Variants in LBR observed in about 807,000 individuals in gnomAD.
The protein encoded by LBR is delta(14)-sterol reductase LBR.
Under a neutral mutation model 74.3 loss-of-function variants are expected in LBR, and 28 were observed. The observed-to-expected ratio is 0.38, with a 90% confidence interval of 0.28 to 0.52. LBR has a LOEUF of 0.52. Ranked by LOEUF, LBR falls within the 20% of genes least tolerant of loss-of-function variation. The probability of loss-of-function intolerance (pLI) is 0.89; values close to 1 mark genes in which losing one functional copy is unlikely to be tolerated. For synonymous variants in LBR, 228 were observed against 269.3 expected (o/e 0.85, Z 1.50); for missense variants, 717 against 760.3 (o/e 0.94, Z 0.67).
rs1006127401 is a variant in LBR, at chr1:225,411,658, G to A, written c.1085-218C>T. Among the ~76,000 whole-genome samples the A allele has an allele frequency of 2.9e-4, 44 of 152,212 alleles. 1 individual carries two copies. Among genetic ancestry groups the A allele is most frequent in the Non-Finnish European group, 5.4e-4 (37 of 68,036 alleles). ...AGTTGCTCCAGCCTTTGGGGGAGCCGGGGGCCCAGGTTTCTTAAAAAAGTT... is the reference window on the plus strand; with the variant it reads ...AGTTGCTCCAGCCTTTGGGGGAGCCAGGGGCCCAGGTTTCTTAAAAAAGTT... On this transcript the variant is annotated intron_variant, in intron 8 of 13. Transcript: ENST00000272163.
intron 13 of LBR, among the ~76,000 whole-genome samples, chr1:225,403,980 C>A (rs1349853552): frequency 1.3e-5 from 2 of 151,010 alleles, no homozygotes; most frequent in Non-Finnish European, 3.0e-5. Flanking sequence ...TCCCCAAGCA[C>A]CTCCAGCTCC....
At chr1:225,423,268 C>T (rs915550411) in intron 2 of LBR, among the ~76,000 whole-genome samples, 11 of 152,222 alleles carry the variant, frequency 7.2e-5, no homozygotes, top group African/African-American at 2.2e-4. Context: ...TTGTATACTA[C>T]GGATCAGATA....
chr1:225,419,258 C>T lies in LBR; in HGVS notation c.640+5G>A. The T allele has an allele frequency of 6.2e-7, 1 of 1,613,972 alleles. No individual in the cohort carries two copies. The highest frequency in any genetic ancestry group is 8.5e-7 in the Non-Finnish European group (1 of 1,179,826). On this transcript the variant is annotated splice_donor_5th_base_variant and intron_variant, in intron 5 of 13. Coordinates refer to ENST00000272163, the MANE Select transcript of LBR (RefSeq NM_002296.4). ...GCCCTCTCTGGGCCCAGCTCTGAGG[C>T]CTACCAGGTACTCCTCCAAACTCCA...
chr1:225,406,446 T>C, intron 11 of LBR: 1 of 440,944 alleles, frequency 2.3e-6, no homozygotes, highest in South Asian at 5.3e-5. Context: ...AGCAAGATGG[T>C]TTAAAATAAT....
chr1:225,411,482 C>T (rs1056982645), intron 8 of LBR, 42 bp from the exon 9 acceptor site: 1 of 1,451,440 alleles, frequency 6.9e-7, no homozygotes, highest in Non-Finnish European at 9.7e-7. Flanking sequence ...ATTCCAAACC[C>T]AGTCAGGAGG....
intron 10 of LBR, among the ~76,000 whole-genome samples, chr1:225,409,463 A>AT (rs1575221202): frequency 1.3e-5 from 2 of 152,080 alleles, no homozygotes; most frequent in Admixed American, 6.6e-5. Flanking sequence ...AAATAATATA[A>AT]TTTTTTTTAA....
At chr1:225,417,205 C>A (rs1045392485) in intron 6 of LBR, among the ~76,000 whole-genome samples, 4 of 152,156 alleles carry the variant, frequency 2.6e-5, no homozygotes, top group African/African-American at 9.7e-5. Flanking sequence ...TCTCACTCCA[C>A]AGTATTAAGC....
At chr1:225,408,233 T>C (rs145125973) in intron 10 of LBR, among the ~76,000 whole-genome samples, 1 of 152,360 alleles carries the variant, frequency 6.6e-6, no homozygotes, top group African/African-American at 2.4e-5. Flanking sequence ...TTCTACTTTA[T>C]ACTTCTATGA....
chr1:225,407,470 G>C (rs1210741617), intron 10 of LBR, among the ~76,000 whole-genome samples: 1 of 152,194 alleles, frequency 6.6e-6, no homozygotes, highest in African/African-American at 2.4e-5. Context: ...TAAGCTGCCT[G>C]GCAACATGGT....
intron 6 of LBR, among the ~76,000 whole-genome samples, chr1:225,416,445 T>C (rs890986144): frequency 6.6e-6 from 1 of 152,214 alleles, no homozygotes; most frequent in Admixed American, 6.5e-5. Context: ...TATAGTATCA[T>C]TTGCTCTGGG....
At chr1:225,427,066 C>T (rs1254887783) in intron 1 of LBR, among the ~76,000 whole-genome samples, 1 of 152,238 alleles carries the variant, frequency 6.6e-6, no homozygotes, top group Non-Finnish European at 1.5e-5. Context: ...CCTGGCACTG[C>T]CCAGGCGCCG....
At position 225,417,568 on chromosome 1, in the gene LBR, A is replaced by AATT. The variant is rs1479324371; in HGVS notation, c.837+415_837+416insAAT. 3 of 161,570 alleles carry AATT rather than the reference A, an allele frequency of 1.9e-5. No individual in the cohort carries two copies. The East Asian group carries it at 5.2e-4, about 28-fold the overall frequency. 10.0% of individuals were successfully genotyped at this position (161,570 alleles called of 1,614,324 possible). ...CATCGAGCCCAGTAGCCTATCAATTAATCATTTAAAATGCTGCATCTGAAA... is the reference window on the plus strand; with the variant it reads ...CATCGAGCCCAGTAGCCTATCAATTAATTATCATTTAAAATGCTGCATCTGAAA... On this transcript the variant is annotated intron_variant, in intron 6 of 13. Coordinates refer to ENST00000272163, the MANE Select transcript of LBR (RefSeq NM_002296.4).
At chr1:225,409,460 A>G (rs895627620) in intron 10 of LBR, among the ~76,000 whole-genome samples, 3 of 152,242 alleles carry the variant, frequency 2.0e-5, no homozygotes, top group East Asian at 1.9e-4. Context: ...ACCAAATAAT[A>G]TAATTTTTTT....
chr1:225,417,280 T>A (rs1017469930), intron 6 of LBR, among the ~76,000 whole-genome samples: 1 of 152,192 alleles, frequency 6.6e-6, no homozygotes, highest in Non-Finnish European at 1.5e-5. Context: ...TTACAGACAG[T>A]TGGCAAACTT....
Position 225,412,496 on chromosome 1 carries a change from A to G in LBR, c.1042T>C (p.Ser348Pro). Residue 348 changes from serine to proline, a missense_variant, in exon 8 of 14, where the codon TCT (serine) becomes CCT (proline). Ser to Pro is a moderately conservative substitution (Grantham distance 74). Coordinates refer to ENST00000272163, the MANE Select transcript of LBR (RefSeq NM_002296.4). Reference protein sequence around the residue: ...VVLSVYLYMRSLKAPRNDLSP... With the variant: ...VVLSVYLYMRPLKAPRNDLSP... Reference sequence around the variant, plus strand: ...AGGTCATTCCGGGGCGCTTTCAAAGAGCGCATGTAGAGATACACACTCAAG... The same window carrying G: ...AGGTCATTCCGGGGCGCTTTCAAAGGGCGCATGTAGAGATACACACTCAAG... The G allele has an allele frequency of 6.2e-7, 1 of 1,614,174 alleles. No homozygotes were observed.
intron 2 of LBR, among the ~76,000 whole-genome samples, chr1:225,422,608 A>G (rs1368917491): frequency 2.6e-5 from 4 of 152,116 alleles, no homozygotes; most frequent in Non-Finnish European, 5.9e-5. Context: ...CTGAGACGAC[A>G]GGACAAAATA....
intron 11 of LBR, among the ~76,000 whole-genome samples, chr1:225,405,696 A>G (rs1212819772): frequency 1.3e-5 from 2 of 152,190 alleles, no homozygotes; most frequent in Non-Finnish European, 2.9e-5. Flanking sequence ...AAATTTCATG[A>G]CAAATTACCT....
intron 1 of LBR, among the ~76,000 whole-genome samples, chr1:225,425,623 C>T (rs1428218700): frequency 6.6e-6 from 1 of 152,090 alleles, no homozygotes; most frequent in South Asian, 2.1e-4. Context: ...CCAGCTTTGC[C>T]TATTTCAACA....
At chr1:225,424,134 T>G in intron 1 of LBR, 45 bp from the exon 2 acceptor site, 3 of 1,385,436 alleles carry the variant, frequency 2.2e-6, no homozygotes, top group Non-Finnish European at 3.1e-6. Flanking sequence ...ACATACACAT[T>G]TATGTATTCG....
Sources: allele counts gnomAD v4.1 joint callset (sites outside exome capture counted in the v4.1 genomes callset), GRCh38; gene constraint gnomAD v4.1.1; transcripts MANE v1.5; gene names NCBI Gene and HGNC (gene_info 2026-07-23, HGNC 2026-07-21).